MKLN1: variants seen among roughly 807,000 people sequenced by gnomAD.
MKLN1 encodes muskelin 1.
MKLN1 carries 18 observed loss-of-function variants against 99.0 expected under a neutral mutation model. The observed-to-expected ratio is 0.18, with a 90% CI of 0.13 to 0.27. The LOEUF is 0.27. Among genes scored for constraint, MKLN1 ranks in the 10% least tolerant of loss-of-function variants. The probability of loss-of-function intolerance (pLI) is 1.00; values close to 1 mark genes in which losing one functional copy is unlikely to be tolerated. For missense variants in MKLN1, 621 were observed against 875.9 expected (o/e 0.71, Z 3.67); for synonymous variants, 288 against 293.2 (o/e 0.98, Z 0.18).
intron 14 of MKLN1, among the ~76,000 whole-genome samples, chr7:131,465,679 C>T (rs1370398214): frequency 2.0e-5 from 3 of 152,086 alleles, no homozygotes; most frequent in African/African-American, 7.2e-5. Context: ...GCTGGGACTA[C>T]AGGCGCCCGC....
intron 4 of MKLN1, among the ~76,000 whole-genome samples, chr7:131,392,561 C>T (rs1407305727): frequency 6.6e-6 from 1 of 150,926 alleles, no homozygotes; most frequent in African/African-American, 2.4e-5. Flanking sequence ...TGCACTCTTT[C>T]AGAATAGTTA....
intron 3 of MKLN1, among the ~76,000 whole-genome samples, chr7:131,254,876 A>G (rs906190300): frequency 1.3e-5 from 2 of 152,224 alleles, no homozygotes; most frequent in Non-Finnish European, 2.9e-5. Flanking sequence ...GCGGAAAAAA[A>G]TTTCGAAGAA....
intron 2 of MKLN1, among the ~76,000 whole-genome samples, chr7:131,150,277 A>T (rs1795870444): frequency 1.3e-5 from 2 of 152,144 alleles, no homozygotes; most frequent in African/African-American, 4.8e-5. Context: ...TCTCTCTCTA[A>T]AATAATGATT....
intron 2 of MKLN1, among the ~76,000 whole-genome samples, chr7:131,380,660 C>T (rs186678768): frequency 6.6e-5 from 10 of 152,066 alleles, no homozygotes; most frequent in Non-Finnish European, 1.5e-5. Context: ...GTTATGTGAC[C>T]TGCTTGTTTC....
chr7:131,296,068 A>G (rs10270715), intron 3 of MKLN1, among the ~76,000 whole-genome samples: 24,698 of 152,196 alleles, frequency 0.16, 2,071 homozygotes, highest in Middle Eastern at 0.23. Context: ...ATAAAGGAAC[A>G]ACTTTTTTGG....
At chr7:131,227,399 CTCTT>C (rs989798961) in intron 3 of MKLN1, among the ~76,000 whole-genome samples, 3 of 140,172 alleles carry the variant, frequency 2.1e-5, no homozygotes, top group African/African-American at 5.3e-5. Context: ...CTTTCTTTCT[CTCTT>C]TCTTTCCCTC....
At chr7:131,315,232 T>C (rs1002313339) in intron 3 of MKLN1, among the ~76,000 whole-genome samples, 5 of 151,558 alleles carry the variant, frequency 3.3e-5, no homozygotes, top group East Asian at 2.0e-4. Flanking sequence ...GTTCATTCCA[T>C]TGGGACTGGT....
At chr7:131,430,807 A>T (rs138781219) in intron 9 of MKLN1, among the ~76,000 whole-genome samples, 103 of 152,266 alleles carry the variant, frequency 6.8e-4, no homozygotes, top group African/African-American at 2.4e-3. Flanking sequence ...TCACACCTAT[A>T]ATCACAGTAC....
intron 3 of MKLN1, among the ~76,000 whole-genome samples, chr7:131,271,287 G>A (rs550866678): frequency 6.6e-6 from 1 of 152,234 alleles, no homozygotes; most frequent in African/African-American, 2.4e-5. Context: ...ATAAACCTTT[G>A]CCACGTTGAG....
chr7:131,214,561 G>A (rs1363662545), intron 3 of MKLN1, among the ~76,000 whole-genome samples: 1 of 152,210 alleles, frequency 6.6e-6, no homozygotes, highest in Admixed American at 6.5e-5. Flanking sequence ...TCCCCATGAT[G>A]CTGCTGTGCT....
chr7:131,245,476 C>T (rs1001547680), intron 3 of MKLN1, among the ~76,000 whole-genome samples: 1 of 152,168 alleles, frequency 6.6e-6, no homozygotes, highest in African/African-American at 2.4e-5. Flanking sequence ...CCACATTAGC[C>T]AGGCTGGTCT....
chr7:131,137,124 G>A (rs1268969088), intron 1 of MKLN1, among the ~76,000 whole-genome samples: 1 of 152,072 alleles, frequency 6.6e-6, no homozygotes, highest in African/African-American at 2.4e-5. Context: ...AAATGCAGGG[G>A]TTACAGGTGC....
intron 3 of MKLN1, among the ~76,000 whole-genome samples, chr7:131,227,341 T>TTTCTTTCTTTCCTTCTCTC: frequency 6.6e-6 from 1 of 152,156 alleles, no homozygotes; most frequent in Non-Finnish European, 1.5e-5. Flanking sequence ...TTTCTTTTCT[T>TTTCTTTCTTTCCTTCTCTC]TTCTTTCTTT....
chr7:131,468,987 G>A (rs548889081), intron 15 of MKLN1, among the ~76,000 whole-genome samples: 19 of 152,290 alleles, frequency 1.2e-4, no homozygotes, highest in African/African-American at 4.6e-4. Context: ...GAAACTGGAT[G>A]GAGAATTGTT....
intron 6 of MKLN1, among the ~76,000 whole-genome samples, chr7:131,403,304 T>A (rs898541890): frequency 6.6e-6 from 1 of 152,244 alleles, no homozygotes; most frequent in Admixed American, 6.5e-5. Context: ...TGCAGTTTTC[T>A]GACTTCTCTC....
At chr7:131,262,793 A>G (rs184776625) in intron 3 of MKLN1, among the ~76,000 whole-genome samples, 2,625 of 151,890 alleles carry the variant, frequency 0.017, 33 homozygotes, top group Non-Finnish European at 0.028. Flanking sequence ...TGATCCGCCC[A>G]CCTCGGCCTC....
At chr7:131,308,903 A>G (rs1362414669) in intron 3 of MKLN1, among the ~76,000 whole-genome samples, 1 of 152,178 alleles carries the variant, frequency 6.6e-6, no homozygotes, top group Non-Finnish European at 1.5e-5. Context: ...TCCTTATAGC[A>G]ATGTGAGAAT....
chr7:131,140,190 C>A (rs1795710516), intron 1 of MKLN1, among the ~76,000 whole-genome samples: 1 of 152,200 alleles, frequency 6.6e-6, no homozygotes, highest in Non-Finnish European at 1.5e-5. Context: ...TAGTCTTTTT[C>A]TTGCTCGATC....
intron 6 of MKLN1, among the ~76,000 whole-genome samples, chr7:131,401,620 T>C (rs758618531): frequency 1.3e-5 from 2 of 152,140 alleles, no homozygotes; most frequent in Non-Finnish European, 2.9e-5. Context: ...ATCTCTCCAC[T>C]CTGGTTTTTT....
Sources: allele counts gnomAD v4.1 joint callset (sites outside exome capture counted in the v4.1 genomes callset), GRCh38; gene constraint gnomAD v4.1.1; transcripts MANE v1.5; gene names NCBI Gene and HGNC (gene_info 2026-07-23, HGNC 2026-07-21).